ZNF680: variants seen among roughly 807,000 people sequenced by gnomAD.
ZNF680 encodes hypothetical protein FLJ90430.
Under a neutral mutation model 12.1 loss-of-function variants are expected in ZNF680, and 6 were observed. That is an observed-to-expected ratio of 0.49 (90% CI 0.27 to 0.98). The LOEUF (loss-of-function observed/expected upper bound fraction) is 0.98. Among genes scored for constraint, ZNF680 ranks in the 50% least tolerant of loss-of-function variants. ZNF680 has a pLI of 0.12. For synonymous variants in ZNF680, 170 were observed against 199.3 expected, an observed-to-expected ratio of 0.85 and a Z score of 1.24; for missense variants, 561 against 616.3, an observed-to-expected ratio of 0.91 and a Z score of 0.95.
At chr7:64,502,693 G>GA in the ZNF680 span, among the ~76,000 whole-genome samples, 1 of 151,886 alleles carries the variant, frequency 6.6e-6, no homozygotes, top group Non-Finnish European at 1.5e-5. Flanking sequence ...AAATTTGGGG[G>GA]AAAAAAACAG....
chr7:64,560,296 T>C (rs1787663331), intron 1 of ZNF680, among the ~76,000 whole-genome samples: 2 of 152,004 alleles, frequency 1.3e-5, no homozygotes, highest in Admixed American at 6.6e-5. Flanking sequence ...GTATTTTTAG[T>C]AGCGACAAGG....
the ZNF680 span, among the ~76,000 whole-genome samples, chr7:64,504,247 A>C: frequency 4.6e-5 from 7 of 152,258 alleles, no homozygotes; most frequent in Admixed American, 4.6e-4. Context: ...TCTTCCGTTT[A>C]TATCAGTGGA....
chr7:64,561,590 G>T (rs1787735965), intron 1 of ZNF680, among the ~76,000 whole-genome samples: 1 of 152,084 alleles, frequency 6.6e-6, no homozygotes, highest in Non-Finnish European at 1.5e-5. Context: ...CTTTTAAAAA[G>T]TACCATCCAA....
the ZNF680 span, chr7:64,501,725 CTT>C: frequency 1.0e-6 from 1 of 987,242 alleles, no homozygotes; most frequent in Non-Finnish European, 1.6e-6. Flanking sequence ...AAAAATGACT[CTT>C]AAGCACATAG....
At chr7:64,543,908 A>G (rs1179895702) in intron 2 of ZNF680, 106 bp from the exon 3 acceptor site, 6 of 920,854 alleles carry the variant, frequency 6.5e-6, no homozygotes, top group Non-Finnish European at 9.9e-6. Flanking sequence ...TAGTAAATTA[A>G]TCCCAAATTA....
intron 1 of ZNF680, among the ~76,000 whole-genome samples, chr7:64,550,383 T>C (rs1787012619): frequency 6.6e-6 from 1 of 152,090 alleles, no homozygotes; most frequent in South Asian, 2.1e-4. Context: ...AATGTCTCTT[T>C]GAGTCTTATA....
At chr7:64,530,894 GTAA>G (rs1161917039) in intron 3 of ZNF680, among the ~76,000 whole-genome samples, 2 of 143,394 alleles carry the variant, frequency 1.4e-5, no homozygotes, top group Admixed American at 7.1e-5. Context: ...AATAATAATA[GTAA>G]TAATAATAAT....
At chr7:64,527,694 T>A (rs1289876186) in intron 3 of ZNF680, among the ~76,000 whole-genome samples, 1 of 148,774 alleles carries the variant, frequency 6.7e-6, no homozygotes, top group Admixed American at 6.7e-5. Context: ...AAACTCTGTC[T>A]CCAAAAAAAA....
At chr7:64,547,777 G>A (rs541632454) in intron 1 of ZNF680, among the ~76,000 whole-genome samples, 1 of 152,224 alleles carries the variant, frequency 6.6e-6, no homozygotes, top group Admixed American at 6.5e-5. Flanking sequence ...TGCAGTAATA[G>A]AAAACAAGTT....
At chr7:64,502,578 A>G in the ZNF680 span, among the ~76,000 whole-genome samples, 1 of 152,214 alleles carries the variant, frequency 6.6e-6, no homozygotes, top group African/African-American at 2.4e-5. Context: ...ATAGTGTTAT[A>G]GTGTTACGAT....
chr7:64,512,449 G>A, the ZNF680 span, among the ~76,000 whole-genome samples: 135 of 114,122 alleles, frequency 1.2e-3, no homozygotes, highest in African/African-American at 4.5e-3. Context: ...GCAAAACTCC[G>A]TCTCCAGCAA....
At chr7:64,530,743 C>G (rs927627840) in intron 3 of ZNF680, among the ~76,000 whole-genome samples, 2 of 151,814 alleles carry the variant, frequency 1.3e-5, no homozygotes, top group African/African-American at 2.4e-5. Context: ...CCTGTAATCC[C>G]AGCTACTCGG....
the ZNF680 span, among the ~76,000 whole-genome samples, chr7:64,506,938 C>CACATATATAGTGTTATGG: frequency 6.6e-6 from 1 of 152,122 alleles, no homozygotes; most frequent in East Asian, 1.9e-4. Flanking sequence ...ATGGTCAGTA[C>CACATATATAGTGTTATGG]TCAGTAGAAA....
chr7:64,533,220 C>T (rs1785980082), intron 3 of ZNF680, among the ~76,000 whole-genome samples: 1 of 152,156 alleles, frequency 6.6e-6, no homozygotes, highest in South Asian at 2.1e-4. Flanking sequence ...AAGAGAAAGT[C>T]AAACTGTCAC....
downstream of ZNF680, among the ~76,000 whole-genome samples, chr7:64,516,593 T>A (rs1488003861): frequency 6.6e-6 from 1 of 152,126 alleles, no homozygotes; most frequent in Non-Finnish European, 1.5e-5. Flanking sequence ...AAAAACGGAT[T>A]TAAACTACAC....
At position 64,521,496 on chromosome 7, in the gene ZNF680, T is replaced by C; in HGVS notation, c.1258A>G (p.Ser420Gly). The change falls in exon 4 of 4, where the codon AGC becomes GGC. Residue 420 changes from serine (S) to glycine (G), a missense_variant. Coordinates refer to ENST00000309683, the MANE Select transcript of ZNF680 (RefSeq NM_178558.5). Reference sequence around the variant, plus strand: ...TGAATTCTCTTATGTCGAGTAAGGCTGGAGCACCCATTAAAAGCTTTGCCA... The same window carrying C: ...TGAATTCTCTTATGTCGAGTAAGGCCGGAGCACCCATTAAAAGCTTTGCCA... ...ECGKAFNGCSSLTRHKRIHTR... is the reference protein window; with the variant it reads ...ECGKAFNGCSGLTRHKRIHTR... The C allele has an allele frequency of 2.5e-6, 4 of 1,612,838 alleles. No homozygotes were observed. Among genetic ancestry groups the C allele is most frequent in the Non-Finnish European group, 3.4e-6 (4 of 1,179,584 alleles).
chr7:64,504,331 T>C, the ZNF680 span, among the ~76,000 whole-genome samples: 2 of 152,220 alleles, frequency 1.3e-5, no homozygotes, highest in Non-Finnish European at 2.9e-5. Context: ...AGCACTTGTT[T>C]GGGTGGTATT....
At chr7:64,562,154 C>A (rs996826054) in intron 1 of ZNF680, among the ~76,000 whole-genome samples, 1 of 150,800 alleles carries the variant, frequency 6.6e-6, no homozygotes, top group African/African-American at 2.4e-5. Context: ...ATCACTTGAA[C>A]CCGGGAGGCA....
At chr7:64,516,236 AAAAC>A (rs1181004263), downstream of ZNF680, among the ~76,000 whole-genome samples, 1 of 152,224 alleles carries the variant, frequency 6.6e-6, no homozygotes, top group African/African-American at 2.4e-5. Context: ...TCATAAAAAT[AAAAC>A]AAAAAACTCT....
Sources: gnomAD v4.1 joint callset for allele counts (sites outside exome capture counted in the v4.1 genomes callset) on GRCh38, gnomAD v4.1.1 for gene constraint, MANE v1.5 for transcripts, NCBI Gene and HGNC (gene_info 2026-07-23, HGNC 2026-07-21) for gene names.